Variants in SAMMSON observed in about 807,000 individuals in gnomAD.
The protein encoded by SAMMSON is survival associated mitochondrial melanoma specific oncogenic non-coding RNA.
Position 70,139,969 on chromosome 3 carries a change from A to AT in SAMMSON, n.507+68412dup, listed in dbSNP as rs1412626214. ...TGTTCTCTTCCATACAGGCTTTCTC[A>AT]TTTTTTTTCTAACATGAATAGGCTG... is the stretch of plus-strand genomic sequence containing the variant. On this transcript the variant is annotated intron_variant and non_coding_transcript_variant, in intron 4 of 9. Coordinates refer to ENST00000642114, the Ensembl canonical transcript of SAMMSON. Among the ~76,000 whole-genome samples the AT allele has an allele frequency of 2.6e-5, 4 of 151,744 alleles. No individual in the cohort carries two copies. In the East Asian group the frequency reaches 7.8e-4, roughly 29 times the overall value.
chr3:70,113,791 G>A (rs2067399092), intron 4 of SAMMSON, among the ~76,000 whole-genome samples: 2 of 152,142 alleles, frequency 1.3e-5, no homozygotes, highest in South Asian at 2.1e-4. Context: ...TTTAGATGAG[G>A]TCTTGCGGGT....
intron 3 of SAMMSON, among the ~76,000 whole-genome samples, chr3:70,050,269 AAC>A (rs1291274813): frequency 3.3e-5 from 5 of 152,182 alleles, no homozygotes; most frequent in African/African-American, 1.2e-4. Flanking sequence ...CTCAGGTACA[AAC>A]ACAGTCTGCT....
intron 6 of SAMMSON, among the ~76,000 whole-genome samples, chr3:70,257,071 C>A (rs929462510): frequency 1.3e-5 from 2 of 152,072 alleles, no homozygotes; most frequent in Non-Finnish European, 2.9e-5. Flanking sequence ...AGAGCATAGA[C>A]CATGAAAAAT....
In SAMMSON at chr3:70,252,454, T is replaced by C. The variant is rs1253502788; in HGVS notation, n.674+2784T>C. Among the ~76,000 whole-genome samples, 3 of 152,164 alleles carry C rather than the reference T, an allele frequency of 2.0e-5. No homozygotes were observed. In the East Asian group the frequency reaches 5.8e-4, roughly 29 times the overall value. On this transcript the variant is annotated intron_variant and non_coding_transcript_variant, in intron 6 of 9. Coordinates refer to ENST00000642114, the Ensembl canonical transcript of SAMMSON. ...TGTGGTAATAACTGTCGATGGATTA[T>C]GGAGTCAAGTGGTTCAATTAAGATG...
intron 7 of SAMMSON, among the ~76,000 whole-genome samples, chr3:70,321,542 A>G (rs1575625348): frequency 6.6e-6 from 1 of 152,180 alleles, no homozygotes; most frequent in Admixed American, 6.6e-5. Flanking sequence ...AGCTTTATGA[A>G]CATTTGTGTA....
At chr3:70,266,351 A>C (rs917586430) in intron 6 of SAMMSON, among the ~76,000 whole-genome samples, 1 of 152,106 alleles carries the variant, frequency 6.6e-6, no homozygotes, top group Non-Finnish European at 1.5e-5. Flanking sequence ...ATTAAATATA[A>C]ACATTTTGGG....
chr3:70,028,867 T>C (rs2067053270), intron 3 of SAMMSON, among the ~76,000 whole-genome samples: 1 of 152,166 alleles, frequency 6.6e-6, no homozygotes, highest in South Asian at 2.1e-4. Context: ...GTAAAACATA[T>C]TTGTCATTGC....
chr3:70,134,517 T>A (rs542590447), intron 4 of SAMMSON, among the ~76,000 whole-genome samples: 2 of 152,226 alleles, frequency 1.3e-5, no homozygotes, highest in East Asian at 3.9e-4. Context: ...GGATATATAC[T>A]GAAAGTAGCA....
chr3:70,171,567 A>C (rs1213137166), intron 4 of SAMMSON, among the ~76,000 whole-genome samples: 1 of 151,696 alleles, frequency 6.6e-6, no homozygotes, highest in Non-Finnish European at 1.5e-5. Context: ...TAATTTTGAA[A>C]ATGCATGAAA....
chr3:70,083,668 T>G (rs1195373270), intron 4 of SAMMSON, among the ~76,000 whole-genome samples: 6 of 152,194 alleles, frequency 3.9e-5, no homozygotes, highest in African/African-American at 1.2e-4. Flanking sequence ...CTTTCTTTCC[T>G]GAAGCTTTGT....
rs150079313 is a variant in SAMMSON at position 70,227,715 on chromosome 3, A to G, written n.508-21392A>G. Reference sequence around the variant, plus strand: ...GCCAGATAGTGTTCTGAGGCTTTCAATGAATAAGCTCTGATAATTCTCCCA... The same window carrying G: ...GCCAGATAGTGTTCTGAGGCTTTCAGTGAATAAGCTCTGATAATTCTCCCA... On this transcript the variant is annotated intron_variant and non_coding_transcript_variant, in intron 4 of 9. Coordinates refer to ENST00000642114, the Ensembl canonical transcript of SAMMSON. 4.2e-4 allele frequency among the ~76,000 whole-genome samples: 64 copies of G among 152,296 alleles called. No individual in the cohort carries two copies. The South Asian group carries it at 5.8e-3, about 14-fold the overall frequency.
At chr3:70,228,754 T>TA (rs773876168) in intron 4 of SAMMSON, among the ~76,000 whole-genome samples, 3 of 151,900 alleles carry the variant, frequency 2.0e-5, no homozygotes, top group Non-Finnish European at 4.4e-5. Flanking sequence ...TTTTTTTTTT[T>TA]ACTAACAACA....
At chr3:70,148,262 A>G (rs2067557126) in intron 4 of SAMMSON, among the ~76,000 whole-genome samples, 1 of 152,144 alleles carries the variant, frequency 6.6e-6, no homozygotes, top group Non-Finnish European at 1.5e-5. Context: ...TATATAACCT[A>G]GCTATTCCCT....
chr3:70,081,137 G>A (rs546537205), intron 4 of SAMMSON, among the ~76,000 whole-genome samples: 11 of 152,004 alleles, frequency 7.2e-5, no homozygotes, highest in South Asian at 2.1e-4. Context: ...TTTTTAAGAC[G>A]GAGTCTCACT....
At chr3:70,422,824 A>G (rs1219073758) in intron 2 of SAMMSON, among the ~76,000 whole-genome samples, 1 of 152,050 alleles carries the variant, frequency 6.6e-6, no homozygotes, top group Non-Finnish European at 1.5e-5. Context: ...AGCAACTGCA[A>G]TGATATCTTT....
chr3:70,171,871 G>A (rs1460312560), intron 4 of SAMMSON, among the ~76,000 whole-genome samples: 1 of 151,856 alleles, frequency 6.6e-6, no homozygotes, highest in Non-Finnish European at 1.5e-5. Context: ...TGGCGTATTA[G>A]ACTAGGAGAG....
intron 3 of SAMMSON, among the ~76,000 whole-genome samples, chr3:70,025,506 G>A (rs980858785): frequency 8.5e-5 from 13 of 152,196 alleles, no homozygotes; most frequent in Non-Finnish European, 1.6e-4. Flanking sequence ...GCCTCCCAAA[G>A]TGCTGGGATT....
chr3:70,325,433 T>G (rs1426015732), intron 7 of SAMMSON, among the ~76,000 whole-genome samples: 1 of 152,152 alleles, frequency 6.6e-6, no homozygotes, highest in South Asian at 2.1e-4. Context: ...TGCAGAAAGA[T>G]TGGATAAGGC....
At chr3:70,258,126 A>G (rs1480943495) in intron 6 of SAMMSON, among the ~76,000 whole-genome samples, 2 of 152,196 alleles carry the variant, frequency 1.3e-5, no homozygotes. Context: ...ATCATAGACA[A>G]AAAAATTAAT....
Sources: allele counts gnomAD v4.1 joint callset (sites outside exome capture counted in the v4.1 genomes callset), GRCh38; gene constraint gnomAD v4.1.1; transcripts MANE v1.5; gene names NCBI Gene and HGNC (gene_info 2026-07-23, HGNC 2026-07-21).